Variants in ANO2 observed in about 807,000 individuals in gnomAD.
ANO2 encodes anoctamin 2.
Under a neutral mutation model 124.2 loss-of-function variants are expected in ANO2, and 101 were observed. The observed-to-expected ratio is 0.81, with a 90% CI of 0.69 to 0.96. The LOEUF is 0.96. Ranked by LOEUF, ANO2 falls within the 40% of genes least tolerant of loss-of-function variation. The probability of loss-of-function intolerance (pLI) is 0.00; values close to 1 mark genes in which losing one functional copy is unlikely to be tolerated. For missense variants in ANO2, 1,293 were observed against 1,274.5 expected, an observed-to-expected ratio of 1.01 and a Z score of -0.22; for synonymous variants, 486 against 482.5, an observed-to-expected ratio of 1.01 and a Z score of -0.09.
chr12:5,636,351 G>T lies in ANO2; in HGVS notation c.1621-1004C>A, dbSNP rs977657227. ...AGTGCCCTGAGTAAAGCCTCTTAGA[G>T]GGGATAGAAGAAGGAGAGACAACTG... On this transcript the variant is annotated intron_variant, in intron 15 of 24. Transcript: ENST00000682330. This position sits in a 1 kb window ranked among gnomAD's most constrained non-coding sequence, Gnocchi z 4.6. 6.6e-6 allele frequency among the ~76,000 whole-genome samples: 1 copy of T among 152,118 alleles called. No individual in the cohort carries two copies. Among genetic ancestry groups the T allele is most frequent in the African/African-American group, 2.4e-5 (1 of 41,410 alleles).
Position 5,732,983 on chromosome 12 carries a change from GATATCCCT to G in ANO2, c.1435-361_1435-354del. The G allele has an allele frequency of 7.7e-6, 10 of 1,303,306 alleles. No individual in the cohort carries two copies. In the South Asian group the frequency reaches 1.1e-4, roughly 14 times the overall value. 80.7% of individuals were successfully genotyped at this position (1,303,306 alleles called of 1,614,324 possible). ...AGAGCAGTTTCACCAGAGGCAGAGG[GATATCCCT>G]GGTCATCCCACCAACTATCGTCAGA... On this transcript the variant is annotated intron_variant, in intron 13 of 24. Transcript: ENST00000682330.
intron 3 of ANO2, among the ~76,000 whole-genome samples, chr12:5,863,711 TTA>T (rs2137269578): frequency 6.6e-6 from 1 of 152,302 alleles, no homozygotes; most frequent in Non-Finnish European, 1.5e-5. Flanking sequence ...GTGCAGTTTA[TTA>T]TACATCAGTT....
intron 19 of ANO2, among the ~76,000 whole-genome samples, chr12:5,605,044 C>CCTTGGG (rs1353404638): frequency 6.6e-6 from 1 of 152,098 alleles, no homozygotes; most frequent in Admixed American, 6.5e-5. Context: ...GTCCATCACA[C>CCTTGGG]CTTGGGCCTC....
chr12:5,866,189 G>A (rs1448061190), intron 3 of ANO2, among the ~76,000 whole-genome samples: 1 of 152,180 alleles, frequency 6.6e-6, no homozygotes, highest in Non-Finnish European at 1.5e-5. Context: ...GGATTTCTAG[G>A]GAAAGCAGCT....
chr12:5,871,657 TTCATCTCAAAA>T (rs1459027634), intron 3 of ANO2, among the ~76,000 whole-genome samples: 1 of 152,106 alleles, frequency 6.6e-6, no homozygotes, highest in Non-Finnish European at 1.5e-5. Context: ...AGGTAGAAGT[TTCATCTCAAAA>T]CCATCCCCCT....
intron 14 of ANO2, among the ~76,000 whole-genome samples, chr12:5,663,505 G>A (rs1168750864): frequency 6.6e-6 from 1 of 152,110 alleles, no homozygotes; most frequent in African/African-American, 2.4e-5. Flanking sequence ...CAGACTGAAT[G>A]AACTCCACAA....
At chr12:5,611,926 C>A (rs1441967439) in intron 19 of ANO2, among the ~76,000 whole-genome samples, 1 of 152,208 alleles carries the variant, frequency 6.6e-6, no homozygotes, top group African/African-American at 2.4e-5. Context: ...GCATCTCTAT[C>A]ATTCCCTAGC....
intron 11 of ANO2, among the ~76,000 whole-genome samples, chr12:5,746,672 A>G (rs1359021537): frequency 6.6e-6 from 1 of 152,200 alleles, no homozygotes; most frequent in Non-Finnish European, 1.5e-5. Context: ...TTGAACCAAG[A>G]CCCTAAAGTG....
chr12:5,801,992 C>G (rs952912804), intron 9 of ANO2, among the ~76,000 whole-genome samples: 12 of 152,188 alleles, frequency 7.9e-5, no homozygotes, highest in Middle Eastern at 3.2e-3. Context: ...AGGGCACCCC[C>G]TCGAGAGCTA....
At chr12:5,861,115 C>T (rs894786377) in intron 3 of ANO2, among the ~76,000 whole-genome samples, 1 of 152,152 alleles carries the variant, frequency 6.6e-6, no homozygotes, top group Non-Finnish European at 1.5e-5. Context: ...CCAAGCACAC[C>T]TAACATATCT....
At chr12:5,671,708 G>A (rs1403468859) in intron 14 of ANO2, among the ~76,000 whole-genome samples, 2 of 152,166 alleles carry the variant, frequency 1.3e-5, no homozygotes, top group African/African-American at 4.8e-5. Flanking sequence ...ACCCCTTGGA[G>A]GGAAAAATAA....
At chr12:5,714,014 G>C (rs1221450680) in intron 14 of ANO2, among the ~76,000 whole-genome samples, 1 of 152,180 alleles carries the variant, frequency 6.6e-6, no homozygotes, top group Non-Finnish European at 1.5e-5. Flanking sequence ...CCAGTATCGG[G>C]ATCTGGCCCA....
chr12:5,822,004 C>T (rs1953815304), intron 7 of ANO2, among the ~76,000 whole-genome samples: 1 of 152,126 alleles, frequency 6.6e-6, no homozygotes, highest in African/African-American at 2.4e-5. Flanking sequence ...AGACTCAGGC[C>T]TGGTTCACAG....
At chr12:5,652,536 C>T (rs1565524834) in intron 14 of ANO2, among the ~76,000 whole-genome samples, 1 of 151,822 alleles carries the variant, frequency 6.6e-6, no homozygotes, top group Non-Finnish European at 1.5e-5. Flanking sequence ...CAAGAAAACA[C>T]CTTATATTTA....
At chr12:5,572,803 A>C (rs1301037931) in intron 23 of ANO2, among the ~76,000 whole-genome samples, 1 of 152,190 alleles carries the variant, frequency 6.6e-6, no homozygotes, top group Non-Finnish European at 1.5e-5. Context: ...ATAGAATGAA[A>C]GTGCACTTTC....
chr12:5,767,600 C>T (rs1951936014), intron 10 of ANO2, among the ~76,000 whole-genome samples: 1 of 152,144 alleles, frequency 6.6e-6, no homozygotes, highest in Admixed American at 6.5e-5. Context: ...CTTTCTAAGG[C>T]AAGTTAAAAG....
intron 17 of ANO2, among the ~76,000 whole-genome samples, chr12:5,614,945 C>T (rs1944724705): frequency 6.6e-6 from 1 of 152,222 alleles, no homozygotes; most frequent in African/African-American, 2.4e-5. Flanking sequence ...TTTCAAAACT[C>T]TCTCTTCAGG....
intron 9 of ANO2, among the ~76,000 whole-genome samples, chr12:5,801,328 T>C (rs1953032017): frequency 6.6e-6 from 1 of 152,262 alleles, no homozygotes; most frequent in African/African-American, 2.4e-5. Context: ...AGACCTCATC[T>C]AGGTATCCAT....
chr12:5,880,852 G>GGA (rs1565745364), intron 3 of ANO2, among the ~76,000 whole-genome samples: 3 of 116,918 alleles, frequency 2.6e-5, no homozygotes, highest in Non-Finnish European at 3.5e-5. Flanking sequence ...GGGTGGGTGG[G>GGA]TGGATAGATG....
Sources: allele counts gnomAD v4.1 joint callset (sites outside exome capture counted in the v4.1 genomes callset), GRCh38; gene constraint gnomAD v4.1.1; non-coding constraint Gnocchi (gnomAD v3.1); transcripts MANE v1.5; gene names NCBI Gene and HGNC (gene_info 2026-07-23, HGNC 2026-07-21).